NCAM1: variants seen among roughly 807,000 people sequenced by gnomAD.
NCAM1 encodes antigen recognized by monoclonal antibody 5.1H11.
NCAM1 carries 14 observed loss-of-function variants against 109.8 expected under a neutral mutation model. That is an observed-to-expected ratio of 0.13 (90% CI 0.08 to 0.20). NCAM1 has a LOEUF of 0.20. NCAM1 is among the 10% of genes least tolerant of loss of function. The pLI, the probability that NCAM1 is intolerant of heterozygous loss-of-function variation, is 1.00. For synonymous variants in NCAM1, 418 were observed against 442.9 expected (o/e 0.94, Z 0.70); for missense variants, 774 against 1,109.9 (o/e 0.70, Z 4.30).
chr11:112,994,918 G>A (rs1219814761), intron 1 of NCAM1, among the ~76,000 whole-genome samples: 2 of 152,028 alleles, frequency 1.3e-5, no homozygotes, highest in African/African-American at 4.8e-5. Flanking sequence ...TATGATAAAG[G>A]TATTGGAGAC....
intron 1 of NCAM1, among the ~76,000 whole-genome samples, chr11:113,176,670 G>A (rs1943154350): frequency 6.6e-6 from 1 of 152,098 alleles, no homozygotes; most frequent in African/African-American, 2.4e-5. Context: ...TTCTTTCTTA[G>A]TTACATCCTA....
At chr11:112,992,441 T>TA (rs1166130646) in intron 1 of NCAM1, among the ~76,000 whole-genome samples, 1 of 151,778 alleles carries the variant, frequency 6.6e-6, no homozygotes, top group Non-Finnish European at 1.5e-5. Context: ...ATGAAAAGCA[T>TA]AAAAATATAT....
At chr11:112,969,099 C>A (rs543798759) in intron 1 of NCAM1, among the ~76,000 whole-genome samples, 9 of 152,072 alleles carry the variant, frequency 5.9e-5, no homozygotes, top group Admixed American at 2.0e-4. Context: ...GGGACTCCCT[C>A]GAGCTGGGCT....
At chr11:113,030,376 G>T (rs2135337902) in intron 1 of NCAM1, among the ~76,000 whole-genome samples, 1 of 152,234 alleles carries the variant, frequency 6.6e-6, no homozygotes, top group East Asian at 1.9e-4. Flanking sequence ...AGTATATATT[G>T]GAAGTTCTCT....
chr11:113,095,082 G>A (rs1192970220), intron 1 of NCAM1, among the ~76,000 whole-genome samples: 1 of 152,064 alleles, frequency 6.6e-6, no homozygotes, highest in Non-Finnish European at 1.5e-5. Flanking sequence ...ATAACCTTGA[G>A]CACTGAAAGA....
chr11:113,277,875 AAG>A lies in NCAM1; in HGVS notation c.*2489_*2490del, dbSNP rs1946434402. On this transcript the variant is annotated 3_prime_UTR_variant, in exon 20 of 20. Transcript: ENST00000316851. ...AAAAAAAAAAAAAAAAAAAAAAAAA[AAG>A]CAATGCTTTCTCTAAAATCAAAGAG... 8 of 153,868 alleles carry A rather than the reference AAG, an allele frequency of 5.2e-5. No homozygotes were observed. The highest frequency in any genetic ancestry group is 3.9e-4 in the Admixed American group (6 of 15,208). 9.5% of individuals were successfully genotyped at this position (153,868 alleles called of 1,614,324 possible). A position where few individuals can be genotyped will look rare whatever the true frequency, so the allele number is the denominator to read the frequency against.
chr11:113,133,443 A>G lies in NCAM1; in HGVS notation c.53-68936A>G, dbSNP rs548930990. ...TCCTTCATCTGTTTCACATCGCAAC[A>G]AAAAGGTAAGGAACTGCAAACCGTA... On this transcript the variant is annotated intron_variant, in intron 1 of 19. Transcript: ENST00000316851. The G allele has an allele frequency of 2.6e-5, 4 of 152,348 alleles. No homozygotes were observed. In the East Asian group the frequency reaches 7.7e-4, roughly 29 times the overall value. 9.4% of individuals were successfully genotyped at this position (152,348 alleles called of 1,614,324 possible).
At chr11:113,060,818 T>G (rs1242468622) in intron 1 of NCAM1, among the ~76,000 whole-genome samples, 1 of 152,206 alleles carries the variant, frequency 6.6e-6, no homozygotes, top group Non-Finnish European at 1.5e-5. Context: ...TTAGTTCTTG[T>G]CACTAGTCAC....
chr11:113,139,340 A>G (rs1456633182), intron 1 of NCAM1, among the ~76,000 whole-genome samples: 1 of 152,202 alleles, frequency 6.6e-6, no homozygotes, highest in Non-Finnish European at 1.5e-5. Context: ...GTGATCACTC[A>G]ACTATTTAGC....
chr11:113,265,082 G>A (rs1555124181), intron 17 of NCAM1: 4 of 985,290 alleles, frequency 4.1e-6, no homozygotes, highest in Non-Finnish European at 4.8e-6. Context: ...TATACAGCAG[G>A]TTTGGATCAT....
intron 1 of NCAM1, among the ~76,000 whole-genome samples, chr11:113,171,666 A>AATAAATAG (rs1555106280): frequency 6.6e-6 from 1 of 151,044 alleles, no homozygotes; most frequent in African/African-American, 2.4e-5. Flanking sequence ...TAAATAAATA[A>AATAAATAG]ATAAAGAGAA....
chr11:113,124,762 A>G (rs1215489535), intron 1 of NCAM1, among the ~76,000 whole-genome samples: 1 of 152,224 alleles, frequency 6.6e-6, no homozygotes, highest in Non-Finnish European at 1.5e-5. Flanking sequence ...TTGGGCTCTC[A>G]CTACAGCATT....
At chr11:113,199,483 G>A (rs1323445993) in intron 1 of NCAM1, among the ~76,000 whole-genome samples, 1 of 152,040 alleles carries the variant, frequency 6.6e-6, no homozygotes, top group African/African-American at 2.4e-5. Context: ...GAGAACCTGG[G>A]GTTCCTCTGG....
At position 113,231,734 on chromosome 11, in the gene NCAM1, C is replaced by T; in HGVS notation, c.1179C>T (p.Tyr393=). ...TCCAGTACACTGATGCCGGAGAGTA[C>T]ATCTGCACCGCCAGCAACACCATCG... The part of the protein sequence containing the change: ...KSIQYTDAGE[Y]ICTASNTIGQ... Residue 393 remains tyrosine (Y), a synonymous_variant, in exon 10 of 20, where the codon TAC becomes TAT. Transcript: ENST00000316851. 6.2e-7 allele frequency: 1 copy of T among 1,613,916 alleles called. No individual in the cohort carries two copies. Among genetic ancestry groups the T allele is most frequent in the Non-Finnish European group, 8.5e-7 (1 of 1,179,872 alleles).
chr11:113,260,337 T>G lies in NCAM1; in HGVS notation c.2131+14T>G. ...CAGCCATCCCAGGTATGGCTGCCTC[T>G]GCTTTCTGTTTGTTTCCGCTTTGAA... On this transcript the variant is annotated intron_variant, in intron 17 of 19. Coordinates refer to ENST00000316851, the MANE Select transcript of NCAM1 (RefSeq NM_181351.5). 6.2e-7 allele frequency: 1 copy of G among 1,607,850 alleles called. No homozygotes were observed. The highest frequency in any genetic ancestry group is 2.2e-5 in the East Asian group (1 of 44,806).
At chr11:113,004,299 C>T (rs1951835082) in intron 1 of NCAM1, among the ~76,000 whole-genome samples, 1 of 152,030 alleles carries the variant, frequency 6.6e-6, no homozygotes, top group South Asian at 2.1e-4. Context: ...TCAAGACCAG[C>T]CTGGCCAAGA....
At chr11:113,162,948 A>T (rs1555104675) in intron 1 of NCAM1, among the ~76,000 whole-genome samples, 2 of 152,190 alleles carry the variant, frequency 1.3e-5, no homozygotes, top group East Asian at 3.9e-4. Context: ...TGGGAAAATC[A>T]CCTGGACTCT....
intron 5 of NCAM1, among the ~76,000 whole-genome samples, 161 bp downstream of exon 5, chr11:113,206,341 T>C (rs1248055984): frequency 6.7e-6 from 1 of 150,064 alleles, no homozygotes; most frequent in Non-Finnish European, 1.5e-5. Context: ...TAGATTTCTT[T>C]TTTTTTTTTT....
In NCAM1 at chr11:113,212,889, C is replaced by A. The variant is rs544524053; in HGVS notation, c.917-1480C>A. Among the ~76,000 whole-genome samples the A allele has an allele frequency of 2.3e-3, 353 of 152,272 alleles. 10 individuals carry two copies. Among genetic ancestry groups the A allele is most frequent in the South Asian group, 0.022 (107 of 4,822 alleles). ...GAAACCTATGAGGTTTAACCTCATT[C>A]ATGTGGACTCCATCAACTGAAATCT... On this transcript the variant is annotated intron_variant, in intron 7 of 19. Transcript: ENST00000316851.
Sources: gnomAD v4.1 joint callset for allele counts (sites outside exome capture counted in the v4.1 genomes callset) on GRCh38, gnomAD v4.1.1 for gene constraint, MANE v1.5 for transcripts, NCBI Gene and HGNC (gene_info 2026-07-23, HGNC 2026-07-21) for gene names.